Variants in FHIT observed in about 807,000 individuals in gnomAD.
FHIT encodes the protein fragile histidine triad diadenosine triphosphatase.
In FHIT, 19 loss-of-function variants were observed where a neutral mutation model predicts 17.9. The observed-to-expected ratio is 1.06, with a 90% CI of 0.74 to 1.56. The LOEUF (loss-of-function observed/expected upper bound fraction) is 1.56. Ranked by LOEUF, FHIT falls within the 40% of genes most tolerant of loss-of-function variation. The pLI is 0.00. For missense variants in FHIT, 248 were observed against 189.2 expected (o/e 1.31, Z -1.82); for synonymous variants, 81 against 69.7 (o/e 1.16, Z -0.81).
At chr3:59,870,601 C>A (rs541494538) in intron 8 of FHIT, among the ~76,000 whole-genome samples, 2 of 152,180 alleles carry the variant, frequency 1.3e-5, no homozygotes, top group South Asian at 2.1e-4. Context: ...AGCAGAGAGC[C>A]CCATTAATAA....
intron 5 of FHIT, among the ~76,000 whole-genome samples, chr3:60,515,553 A>G (rs2035120616): frequency 6.8e-6 from 1 of 147,992 alleles, no homozygotes; most frequent in African/African-American, 2.5e-5. Flanking sequence ...AACAAGCTAC[A>G]AAGGGAAGTT....
chr3:60,724,714 T>C (rs562552577), intron 4 of FHIT, among the ~76,000 whole-genome samples: 45 of 145,786 alleles, frequency 3.1e-4, no homozygotes, highest in African/African-American at 1.1e-3. Context: ...AGTGATGCAA[T>C]CTTGACTCAC....
intron 1 of FHIT, among the ~76,000 whole-genome samples, chr3:61,204,234 T>C (rs1021246178): frequency 2.6e-5 from 4 of 152,208 alleles, no homozygotes; most frequent in Non-Finnish European, 4.4e-5. Flanking sequence ...AGGCTATCTT[T>C]ATCTTGAGAG....
At chr3:59,840,021 T>C (rs1701472803) in intron 8 of FHIT, among the ~76,000 whole-genome samples, 1 of 152,102 alleles carries the variant, frequency 6.6e-6, no homozygotes, top group South Asian at 2.1e-4. Context: ...TTAAATCCCT[T>C]CTAAGTAGCC....
At chr3:61,173,909 T>G (rs537206574) in intron 2 of FHIT, among the ~76,000 whole-genome samples, 2 of 152,250 alleles carry the variant, frequency 1.3e-5, no homozygotes, top group Non-Finnish European at 2.9e-5. Flanking sequence ...GTTATCACTC[T>G]ATGCCCTCTG....
At chr3:61,100,902 G>T (rs1011419419) in intron 2 of FHIT, among the ~76,000 whole-genome samples, 8 of 152,100 alleles carry the variant, frequency 5.3e-5, no homozygotes, top group Non-Finnish European at 5.9e-5. Flanking sequence ...CTTTTTGATG[G>T]GTTTGTTTGG....
Position 60,341,271 on chromosome 3 carries a change from T to C in FHIT, c.103+195589A>G, listed in dbSNP as rs142976271. 1.1e-3 allele frequency among the ~76,000 whole-genome samples: 162 copies of C among 152,328 alleles called. 1 individual carries two copies. Among genetic ancestry groups the C allele is most frequent in the African/African-American group, 3.5e-3 (146 of 41,580 alleles). On this transcript the variant is annotated intron_variant, in intron 5 of 9. Transcript: ENST00000492590. ...ACCTATATTAAGCCTCATCGTTGCA[T>C]GTATTATTTTGTAATAATATGTTGA...
chr3:60,902,021 T>C (rs1181841318), intron 3 of FHIT, among the ~76,000 whole-genome samples: 2 of 152,276 alleles, frequency 1.3e-5, no homozygotes, highest in Non-Finnish European at 1.5e-5. Context: ...TTTATGGAGG[T>C]ATAATTTAAA....
intron 5 of FHIT, among the ~76,000 whole-genome samples, chr3:60,093,329 G>C (rs866442986): frequency 1.6e-4 from 25 of 152,090 alleles, no homozygotes; most frequent in African/African-American, 5.8e-4. Flanking sequence ...GCAATAATGG[G>C]ACGAAACCAT....
intron 3 of FHIT, among the ~76,000 whole-genome samples, chr3:60,839,229 C>T (rs370878272): frequency 6.6e-6 from 1 of 152,088 alleles, no homozygotes; most frequent in Non-Finnish European, 1.5e-5. Flanking sequence ...TTTAAAGTAG[C>T]TTTTCCATGA....
chr3:60,954,490 C>T (rs1709028384), intron 3 of FHIT, among the ~76,000 whole-genome samples: 2 of 152,142 alleles, frequency 1.3e-5, no homozygotes, highest in African/African-American at 4.8e-5. Context: ...GATCTATGTA[C>T]ATAAAGCTGA....
chr3:60,869,863 A>G (rs910862033), intron 3 of FHIT, among the ~76,000 whole-genome samples: 1 of 152,006 alleles, frequency 6.6e-6, no homozygotes, highest in East Asian at 1.9e-4. Context: ...CATGTCTGAC[A>G]CCAACGAAGA....
At chr3:60,212,552 C>A (rs1409215541) in intron 5 of FHIT, among the ~76,000 whole-genome samples, 2 of 152,120 alleles carry the variant, frequency 1.3e-5, no homozygotes, top group Non-Finnish European at 2.9e-5. Context: ...ATCTCTTTCA[C>A]ATAACGGGAG....
At chr3:59,906,106 C>G (rs901052488) in intron 8 of FHIT, among the ~76,000 whole-genome samples, 4 of 152,170 alleles carry the variant, frequency 2.6e-5, no homozygotes, top group Non-Finnish European at 5.9e-5. Context: ...CCCCTTCCTC[C>G]TTGTGTATTC....
intron 4 of FHIT, among the ~76,000 whole-genome samples, chr3:60,584,501 C>T (rs2037846713): frequency 6.6e-6 from 1 of 151,994 alleles, no homozygotes; most frequent in Non-Finnish European, 1.5e-5. Flanking sequence ...GATTAATCAC[C>T]ATTTTAGATC....
intron 5 of FHIT, among the ~76,000 whole-genome samples, chr3:60,203,871 T>C (rs977809382): frequency 6.6e-6 from 1 of 152,074 alleles, no homozygotes; most frequent in South Asian, 2.1e-4. Context: ...TTCTCACTTA[T>C]TAGTGGGAGC....
intron 8 of FHIT, among the ~76,000 whole-genome samples, chr3:59,857,687 T>C (rs1342487236): frequency 7.1e-6 from 1 of 141,242 alleles, no homozygotes; most frequent in African/African-American, 2.7e-5. Flanking sequence ...CTTATGACTA[T>C]GCTGTGCAAA....
chr3:60,804,377 T>C (rs1701308035), intron 4 of FHIT, among the ~76,000 whole-genome samples: 1 of 152,228 alleles, frequency 6.6e-6, no homozygotes, highest in Admixed American at 6.5e-5. Flanking sequence ...CTTCCCCTTA[T>C]ACTTTAGTTC....
intron 4 of FHIT, among the ~76,000 whole-genome samples, chr3:60,593,739 T>TA (rs1359814698): frequency 6.6e-6 from 1 of 152,086 alleles, no homozygotes; most frequent in Non-Finnish European, 1.5e-5. Context: ...ACAGCTCTTT[T>TA]AGGAACAAAT....
Sources: gnomAD v4.1 joint callset for allele counts (sites outside exome capture counted in the v4.1 genomes callset) on GRCh38, gnomAD v4.1.1 for gene constraint, MANE v1.5 for transcripts, NCBI Gene and HGNC (gene_info 2026-07-23, HGNC 2026-07-21) for gene names.